Variants in CYSTM1 observed in about 807,000 individuals in gnomAD.
CYSTM1 encodes the protein cysteine rich transmembrane module containing 1, also known as cysteine-rich transmembrane module-containing protein 1.
CYSTM1 carries 4 observed loss-of-function variants against 13.1 expected under a neutral mutation model. That is an observed-to-expected ratio of 0.31 (90% CI 0.15 to 0.70). The LOEUF (loss-of-function observed/expected upper bound fraction) is 0.70, where lower values mean the gene tolerates loss of function less well. CYSTM1 is among the 30% of genes least tolerant of loss of function. The pLI, the probability that CYSTM1 is intolerant of heterozygous loss-of-function variation, is 0.72. For synonymous variants in CYSTM1, 36 were observed against 42.7 expected (o/e 0.84, Z 0.62); for missense variants, 96 against 121.6 (o/e 0.79, Z 0.99).
intron 1 of CYSTM1, among the ~76,000 whole-genome samples, chr5:140,181,772 T>C (rs948147476): frequency 6.6e-6 from 1 of 152,252 alleles, no homozygotes; most frequent in Non-Finnish European, 1.5e-5. Flanking sequence ...CGGGGGCCAC[T>C]GCCACTGCAA....
chr5:140,227,275 G>A (rs942173318), intron 2 of CYSTM1, among the ~76,000 whole-genome samples: 9 of 152,190 alleles, frequency 5.9e-5, no homozygotes, highest in Non-Finnish European at 5.9e-5. Context: ...GCCAGGGGTT[G>A]CAAAAGAAGC....
chr5:140,201,382 G>A lies in CYSTM1; in HGVS notation c.187+6730G>A, dbSNP rs867036398. 3 of 152,062 alleles carry A rather than the reference G, an allele frequency of 2.0e-5. No individual in the cohort carries two copies. In the South Asian group the frequency reaches 6.2e-4, roughly 32 times the overall value. The allele number at this position is 152,062 out of a possible 1,614,324, so 9.4% of individuals were successfully genotyped here. On this transcript the variant is annotated intron_variant, in intron 2 of 2. Coordinates refer to ENST00000261811, the MANE Select transcript of CYSTM1 (RefSeq NM_032412.4). ...TTATCATCTAGGTAGTCTATATGTA[G>A]GTAAGGCCTCTAACCTGCCATACTG...
chr5:140,182,635 T>C (rs1763972399), intron 1 of CYSTM1, among the ~76,000 whole-genome samples: 2 of 151,946 alleles, frequency 1.3e-5, no homozygotes, highest in South Asian at 2.1e-4. Context: ...GATGCTTTTT[T>C]TTTTTTTAAC....
chr5:140,233,660 T>C (rs1235912695), intron 2 of CYSTM1, among the ~76,000 whole-genome samples: 2 of 152,240 alleles, frequency 1.3e-5, no homozygotes, highest in African/African-American at 4.8e-5. Flanking sequence ...GTCAGCAATT[T>C]TTATTTTAGC....
At chr5:140,199,824 G>A (rs565868006) in intron 2 of CYSTM1, among the ~76,000 whole-genome samples, 20 of 152,292 alleles carry the variant, frequency 1.3e-4, no homozygotes, top group African/African-American at 1.2e-4. Context: ...TCTAACTGGC[G>A]TGAGATGGTA....
rs201494782 is a variant in CYSTM1 at position 140,187,942 on chromosome 5, A to G, written c.-20-6504A>G. Among the ~76,000 whole-genome samples, 44 of 152,330 alleles carry G rather than the reference A, an allele frequency of 2.9e-4. No homozygotes were observed. In the East Asian group the frequency reaches 5.2e-3, roughly 18 times the overall value. ...TGCAACTACAAAAATCACCTTAAAA[A>G]GCAGTGAAGAGCAGATTTTGACTAG... is the stretch of plus-strand genomic sequence containing the variant. On this transcript the variant is annotated intron_variant, in intron 1 of 2. Coordinates refer to ENST00000261811, the MANE Select transcript of CYSTM1 (RefSeq NM_032412.4).
intron 2 of CYSTM1, among the ~76,000 whole-genome samples, chr5:140,217,465 C>T (rs1170224415): frequency 1.3e-5 from 2 of 152,134 alleles, no homozygotes; most frequent in Non-Finnish European, 2.9e-5. Flanking sequence ...TAGGCCCACT[C>T]TCCCTGGCCT....
intron 2 of CYSTM1, among the ~76,000 whole-genome samples, chr5:140,216,343 T>C (rs368360554): frequency 6.6e-6 from 1 of 152,336 alleles, no homozygotes; most frequent in South Asian, 2.1e-4. Context: ...ATAAATTGAT[T>C]AAGCCAGGTA....
intron 2 of CYSTM1, among the ~76,000 whole-genome samples, chr5:140,196,718 A>C (rs1416748694): frequency 6.6e-6 from 1 of 152,230 alleles, no homozygotes. Context: ...TTTCTGCTTC[A>C]AAATAAGGTA....
intron 1 of CYSTM1, among the ~76,000 whole-genome samples, chr5:140,181,171 CAG>C (rs769702752): frequency 6.6e-6 from 1 of 152,180 alleles, no homozygotes; most frequent in Non-Finnish European, 1.5e-5. Context: ...GAATCTTAGG[CAG>C]AGTCAGTTGG....
At chr5:140,221,026 T>C (rs1308655591) in intron 2 of CYSTM1, among the ~76,000 whole-genome samples, 1 of 152,136 alleles carries the variant, frequency 6.6e-6, no homozygotes, top group Non-Finnish European at 1.5e-5. Flanking sequence ...TTCTCATGTA[T>C]AAACAGAGGA....
intron 1 of CYSTM1, among the ~76,000 whole-genome samples, chr5:140,179,780 C>T (rs762555080): frequency 3.0e-4 from 45 of 151,732 alleles, no homozygotes; most frequent in Non-Finnish European, 6.0e-4. Flanking sequence ...CCTGCCTCAG[C>T]CTCCCGAGTA....
chr5:140,226,596 A>T (rs1581071136), intron 2 of CYSTM1, among the ~76,000 whole-genome samples: 1 of 103,382 alleles, frequency 9.7e-6, no homozygotes, highest in African/African-American at 3.9e-5. Context: ...TTATATATAT[A>T]TATATATATA....
At chr5:140,180,943 T>C (rs536652540) in intron 1 of CYSTM1, among the ~76,000 whole-genome samples, 2 of 152,344 alleles carry the variant, frequency 1.3e-5, no homozygotes, top group Admixed American at 1.3e-4. Context: ...TTATTTGTAC[T>C]AAAGAATCAT....
At chr5:140,181,420 A>G (rs1434192760) in intron 1 of CYSTM1, among the ~76,000 whole-genome samples, 1 of 152,110 alleles carries the variant, frequency 6.6e-6, no homozygotes, top group East Asian at 1.9e-4. Context: ...ACTTTGTTGA[A>G]CTAATTTTTG....
At chr5:140,209,235 T>G (rs367593612) in intron 2 of CYSTM1, among the ~76,000 whole-genome samples, 1 of 151,962 alleles carries the variant, frequency 6.6e-6, no homozygotes, top group East Asian at 1.9e-4. Flanking sequence ...GGGCTTGATT[T>G]TGTAGAAAAG....
intron 2 of CYSTM1, among the ~76,000 whole-genome samples, chr5:140,228,336 G>A (rs1182410368): frequency 6.6e-6 from 1 of 152,174 alleles, no homozygotes; most frequent in Non-Finnish European, 1.5e-5. Flanking sequence ...CTGTTGGGAG[G>A]ATTAAATGAA....
chr5:140,193,917 G>T (rs541732823), intron 1 of CYSTM1, among the ~76,000 whole-genome samples: 33 of 152,306 alleles, frequency 2.2e-4, no homozygotes, highest in African/African-American at 7.9e-4. Flanking sequence ...CAATGGTGAT[G>T]GTTACAAACT....
intron 2 of CYSTM1, among the ~76,000 whole-genome samples, chr5:140,221,536 C>T (rs1246190956): frequency 1.6e-4 from 25 of 152,200 alleles, no homozygotes; most frequent in Non-Finnish European, 1.5e-5. Flanking sequence ...CATGCTGTAG[C>T]GTGTGTCAGG....
Sources: allele counts gnomAD v4.1 joint callset (sites outside exome capture counted in the v4.1 genomes callset), GRCh38; gene constraint gnomAD v4.1.1; transcripts MANE v1.5; gene names NCBI Gene and HGNC (gene_info 2026-07-23, HGNC 2026-07-21).